Variants in HMGB1 observed in about 807,000 individuals in gnomAD.
HMGB1 encodes high mobility group box 1.
For missense variants in HMGB1, 79 were observed against 253.5 expected, an observed-to-expected ratio of 0.31 and a Z score of 4.67; for synonymous variants, 81 against 84.0, an observed-to-expected ratio of 0.96 and a Z score of 0.19.
At chr13:30,577,487 TG>T (rs1870709992) in intron 1 of HMGB1, among the ~76,000 whole-genome samples, 1 of 152,206 alleles carries the variant, frequency 6.6e-6, no homozygotes, top group Non-Finnish European at 1.5e-5. Flanking sequence ...GGTATTTTGC[TG>T]TGGCAGCCCA....
intron 1 of HMGB1, among the ~76,000 whole-genome samples, chr13:30,537,358 A>C (rs1039939421): frequency 3.3e-5 from 5 of 152,044 alleles, no homozygotes; most frequent in African/African-American, 9.7e-5. Context: ...TATAACATAC[A>C]GAAGAGCACA....
intron 1 of HMGB1, among the ~76,000 whole-genome samples, chr13:30,558,438 C>G (rs950165295): frequency 6.6e-6 from 1 of 151,998 alleles, no homozygotes; most frequent in African/African-American, 2.4e-5. Context: ...AAACCATTTG[C>G]TCACCAAGAC....
At chr13:30,577,351 A>G (rs2137539145) in intron 1 of HMGB1, among the ~76,000 whole-genome samples, 1 of 152,024 alleles carries the variant, frequency 6.6e-6, no homozygotes, top group Middle Eastern at 3.4e-3. Flanking sequence ...TTAAAAAAAA[A>G]AAAAAAAAAG....
rs145225679 is a variant in HMGB1, at chr13:30,489,317, G to C, written c.-14-25623C>G. On this transcript the variant is annotated intron_variant, in intron 1 of 4. Coordinates refer to the HMGB1 transcript ENST00000405805. Reference sequence around the variant, plus strand: ...TTGAGACCAGCCTGGGCAATATAGTGAGACCCCCATCTCAAACACATGAAC... The same window carrying C: ...TTGAGACCAGCCTGGGCAATATAGTCAGACCCCCATCTCAAACACATGAAC... Among the ~76,000 whole-genome samples, 467 of 152,258 alleles carry C rather than the reference G, an allele frequency of 3.1e-3. 5 individuals carry two copies. Among genetic ancestry groups the C allele is most frequent in the African/African-American group, 0.01 (432 of 41,540 alleles).
chr13:30,519,539 CAAAAA>C (rs11411401), intron 1 of HMGB1, among the ~76,000 whole-genome samples: 18 of 144,226 alleles, frequency 1.2e-4, no homozygotes, highest in Admixed American at 2.1e-4. Flanking sequence ...ACTAAAAATA[CAAAAA>C]AAAAAATTAG....
intron 1 of HMGB1, among the ~76,000 whole-genome samples, chr13:30,521,131 C>T (rs1888228812): frequency 6.6e-6 from 1 of 152,156 alleles, no homozygotes; most frequent in African/African-American, 2.4e-5. Context: ...CTGATCTTTG[C>T]TGGAGTTCAG....
chr13:30,614,967 C>T (rs536431209), intron 1 of HMGB1, among the ~76,000 whole-genome samples: 25 of 151,956 alleles, frequency 1.6e-4, no homozygotes, highest in Middle Eastern at 3.4e-3. Flanking sequence ...ACCTCAGCCT[C>T]CCAAAGTGCT....
chr13:30,524,421 C>T (rs1358336088), intron 1 of HMGB1, among the ~76,000 whole-genome samples: 5 of 150,698 alleles, frequency 3.3e-5, no homozygotes, highest in East Asian at 1.9e-4. Flanking sequence ...CAGTTGAGCA[C>T]GGCTAGGAAG....
intron 1 of HMGB1, among the ~76,000 whole-genome samples, chr13:30,538,718 C>T (rs1396091723): frequency 1.2e-3 from 54 of 43,568 alleles, no homozygotes; most frequent in African/African-American, 2.9e-3. Context: ...TTTCTTTCTT[C>T]TTTTTCTTTC....
upstream of HMGB1, among the ~76,000 whole-genome samples, chr13:30,468,631 C>T (rs1454742816): frequency 1.3e-5 from 2 of 152,048 alleles, no homozygotes; most frequent in African/African-American, 4.8e-5. Context: ...TTTATTTATT[C>T]CCAAGTTTAA....
In HMGB1 at chr13:30,456,704, T is replaced by G. The variant is rs564222495; in HGVS notation, c.*4653A>C. The stretch of plus-strand genomic sequence containing the variant: ...AAAGAAAAACCAGTAAAAATCTTGA[T>G]TAATTGCAAAATCATTGTTAAAATG... On this transcript the variant is annotated 3_prime_UTR_variant, in exon 5 of 5. Transcript: ENST00000341423. 7.3e-6 allele frequency: 1 copy of G among 136,524 alleles called. No homozygotes were observed. The highest frequency in any genetic ancestry group is 2.2e-4 in the South Asian group (1 of 4,482). 8.5% of individuals were successfully genotyped at this position (136,524 alleles called of 1,614,324 possible). A position where few individuals can be genotyped will look rare whatever the true frequency, so the allele number is the denominator to read the frequency against.
At chr13:30,548,077 A>T (rs1869247304) in intron 1 of HMGB1, among the ~76,000 whole-genome samples, 1 of 152,198 alleles carries the variant, frequency 6.6e-6, no homozygotes, top group African/African-American at 2.4e-5. Context: ...TTTTAAAATG[A>T]TCATAAGCAC....
At chr13:30,514,439 T>G (rs1888059414) in intron 1 of HMGB1, among the ~76,000 whole-genome samples, 1 of 147,766 alleles carries the variant, frequency 6.8e-6, no homozygotes, top group South Asian at 2.2e-4. Context: ...TCCTCCCACC[T>G]CAGCCTCCCA....
chr13:30,582,754 C>T (rs2137544222), intron 1 of HMGB1, among the ~76,000 whole-genome samples: 1 of 152,196 alleles, frequency 6.6e-6, no homozygotes, highest in East Asian at 1.9e-4. Flanking sequence ...TAATATAACC[C>T]CACGTAACGA....
At chr13:30,614,910 C>T (rs1351187226) in intron 1 of HMGB1, among the ~76,000 whole-genome samples, 6 of 150,200 alleles carry the variant, frequency 4.0e-5, no homozygotes, top group Admixed American at 3.3e-4. Flanking sequence ...CGGGGTTTCA[C>T]CATCTTGGCC....
intron 1 of HMGB1, among the ~76,000 whole-genome samples, chr13:30,586,060 A>T (rs1233484906): frequency 6.6e-6 from 1 of 151,818 alleles, no homozygotes; most frequent in Admixed American, 6.6e-5. Context: ...CTGTTTTCTA[A>T]TTTTTTTTAT....
rs9551949 is a variant in HMGB1 at position 30,601,677 on chromosome 13, C to T, written c.-15+14994G>A. 3.4e-4 allele frequency among the ~76,000 whole-genome samples: 13 copies of T among 37,822 alleles called. 2 individuals are homozygous for T. The highest frequency in any genetic ancestry group is 1.9e-3 in the Admixed American group (7 of 3,756). The allele number at this position is 37,822 out of a possible 152,430, so 24.8% of individuals were successfully genotyped here. A position where few individuals can be genotyped will look rare whatever the true frequency, so the allele number is the denominator to read the frequency against. On this transcript the variant is annotated intron_variant, in intron 1 of 4. Coordinates refer to the HMGB1 transcript ENST00000405805. The stretch of plus-strand genomic sequence containing the variant: ...AGGAGAATGGCGTGAACCCGGGAGG[C>T]GGAGCTTGCAGTGAGCCGAGATCCC...
At chr13:30,609,585 GAAC>G (rs938663368) in intron 1 of HMGB1, among the ~76,000 whole-genome samples, 1 of 152,132 alleles carries the variant, frequency 6.6e-6, no homozygotes, top group African/African-American at 2.4e-5. Context: ...AAGACAGCAA[GAAC>G]AACCCGTCCT....
Position 30,524,341 on chromosome 13 carries a change from AAAAAAAAAAAAAAAAAG to A in HMGB1, c.-14-60664_-14-60648del, listed in dbSNP as rs1172462214. Among the ~76,000 whole-genome samples, 16 of 18,844 alleles carry A rather than the reference AAAAAAAAAAAAAAAAAG, an allele frequency of 8.5e-4. No individual in the cohort carries two copies. In the South Asian group the frequency reaches 0.013, roughly 16 times the overall value. 12.4% of individuals were successfully genotyped at this position (18,844 alleles called of 152,430 possible). A position where few individuals can be genotyped will look rare whatever the true frequency, so the allele number is the denominator to read the frequency against. ...ATCCCAGAGCTTAAAGTATATTAAA[AAAAAAAAAAAAAAAAAG>A]AAAAAAAAGAAGAACTGCCTGAGAC... On this transcript the variant is annotated intron_variant, in intron 1 of 4. Coordinates refer to the HMGB1 transcript ENST00000405805.
Sources: gnomAD v4.1 joint callset for allele counts (sites outside exome capture counted in the v4.1 genomes callset) on GRCh38, gnomAD v4.1.1 for gene constraint, MANE v1.5 for transcripts, NCBI Gene and HGNC (gene_info 2026-07-23, HGNC 2026-07-21) for gene names.